The following USP9X variants were observed in gnomAD, a reference collection of about 807,000 sequenced individuals.
USP9X encodes ubiquitin specific peptidase 9 X-linked, also known as ubiquitin carboxyl-terminal hydrolase 9X.
USP9X carries 7 observed loss-of-function variants against 190.3 expected under a neutral mutation model. The observed-to-expected ratio is 0.04, with a 90% CI of 0.02 to 0.07. USP9X has a LOEUF of 0.07. Among genes scored for constraint, USP9X ranks in the 10% least tolerant of loss-of-function variants. The pLI is 1.00. For synonymous variants in USP9X, 645 were observed against 659.5 expected, an observed-to-expected ratio of 0.98 and a Z score of 0.34; for missense variants, 1,010 against 1,916.9, an observed-to-expected ratio of 0.53 and a Z score of 8.83.
intron 1 of USP9X, among the ~76,000 whole-genome samples, chrX:41,105,760 C>T (rs188739136): frequency 1.4e-3 from 161 of 112,229 alleles, no homozygotes; most frequent in South Asian, 0.012. Flanking sequence ...TACATTTCTT[C>T]CAGCAATGCA....
At position 41,224,803 on chromosome X, in the gene USP9X, T is replaced by A; in HGVS notation, c.6813T>A (p.Ile2271=). 4.1e-6 allele frequency: 5 copies of A among 1,211,373 alleles called. No individual in the cohort carries two copies. The highest frequency in any genetic ancestry group is 5.6e-6 in the Non-Finnish European group (5 of 895,423). The change falls in exon 40 of 45, where the codon ATT becomes ATA. Residue 2271 remains isoleucine, a synonymous_variant. Coordinates refer to ENST00000378308, the MANE Select transcript of USP9X (RefSeq NM_001039591.3). The part of the protein sequence containing the change: ...DPNLSQPIMP[I]QQNVADILFV... ...ATTTATCACAACCTATAATGCCAAT[T>A]CAGCAGAATGTGGCAGACATTTTAT...
rs758912793 is a variant in USP9X at position 41,141,273 on chromosome X, T to C, written c.1023-20T>C. The C allele has an allele frequency of 1.0e-5, 12 of 1,199,391 alleles. No homozygotes were observed. Among genetic ancestry groups the C allele is most frequent in the African/African-American group, 5.3e-5 (3 of 56,965 alleles). On this transcript the variant is annotated intron_variant, in intron 8 of 44. Transcript: ENST00000378308. ...AATGCCGATTTTAGAATCATACTTATCACTGAATTTTTCTTACAGATTATT... is the reference window on the plus strand; with the variant it reads ...AATGCCGATTTTAGAATCATACTTACCACTGAATTTTTCTTACAGATTATT...
rs867379024 is a variant in USP9X, at chrX:41,098,484, G to A, written c.-159+12375G>A. Among the ~76,000 whole-genome samples the A allele has an allele frequency of 1.4e-4, 15 of 109,935 alleles. No individual in the cohort carries two copies. The East Asian group carries it at 3.2e-3, about 23-fold the overall frequency. The stretch of plus-strand genomic sequence containing the variant: ...AATGTTATGCCTATTTTTGAACTTC[G>A]GATAAATGGAGTAATACACTATATA... On this transcript the variant is annotated intron_variant, in intron 1 of 44. Coordinates refer to ENST00000378308, the MANE Select transcript of USP9X (RefSeq NM_001039591.3).
At chrX:41,184,162 TCTTTGTTTTTC>T in intron 22 of USP9X, 34 bp downstream of exon 22, 1 of 1,164,198 alleles carries the variant, frequency 8.6e-7, no homozygotes, top group Non-Finnish European at 1.1e-6. Context: ...GTTGTTGTTT[TCTTTGTTTTTC>T]CTTTTAAATT....
At chrX:41,209,301 C>T (rs1350811912) in intron 32 of USP9X, among the ~76,000 whole-genome samples, 1 of 111,706 alleles carries the variant, frequency 9.0e-6, no homozygotes, top group Non-Finnish European at 1.9e-5. Flanking sequence ...GTAAAATAAT[C>T]TCCCTAACTT....
At chrX:41,208,758 A>C (rs968277815) in intron 32 of USP9X, among the ~76,000 whole-genome samples, 2 of 109,007 alleles carry the variant, frequency 1.8e-5, no homozygotes, top group Non-Finnish European at 3.8e-5. Context: ...CCCAGGCTGG[A>C]GTGCAGTGGC....
intron 21 of USP9X, among the ~76,000 whole-genome samples, chrX:41,176,703 T>G (rs1425393598): frequency 8.9e-6 from 1 of 112,415 alleles, no homozygotes; most frequent in Non-Finnish European, 1.9e-5. Context: ...TTTTAATTTT[T>G]TTGTTGAAGA....
chrX:41,118,146 C>T (rs1274892391), intron 1 of USP9X, among the ~76,000 whole-genome samples: 3 of 112,058 alleles, frequency 2.7e-5, no homozygotes, highest in African/African-American at 6.5e-5. Flanking sequence ...CGTGAAACAC[C>T]GTGCTCGGCT....
intron 1 of USP9X, among the ~76,000 whole-genome samples, chrX:41,086,449 C>A (rs924914158): frequency 8.9e-6 from 1 of 112,366 alleles, no homozygotes; most frequent in African/African-American, 3.2e-5. Context: ...GCAGCCCCCC[C>A]GCCGTCCGCA....
At chrX:41,102,953 C>T (rs1396301911) in intron 1 of USP9X, among the ~76,000 whole-genome samples, 6 of 111,343 alleles carry the variant, frequency 5.4e-5, no homozygotes, top group Non-Finnish European at 9.4e-5. Context: ...CCACCACGCC[C>T]GGCTAATTGT....
In USP9X at chrX:41,085,600, G is replaced by A. The variant is rs2061902856; in HGVS notation, c.-668G>A. The A allele has an allele frequency of 3.6e-6, 1 of 277,101 alleles. No homozygotes were observed. The highest frequency in any genetic ancestry group is 6.4e-5 in the Admixed American group (1 of 15,593). The allele number at this position is 277,101 out of a possible 1,213,427, so 22.8% of individuals were successfully genotyped here. On this transcript the variant is annotated 5_prime_UTR_variant, in exon 1 of 45. Transcript: ENST00000378308. ...GCCTTACACAGCTCCCGGGCCTCGCGGGAGCCCGCCGCCGCCGCCTCTCTC... is the reference window on the plus strand; with the variant it reads ...GCCTTACACAGCTCCCGGGCCTCGCAGGAGCCCGCCGCCGCCGCCTCTCTC...
At chrX:41,197,331 T>TGGGGGCCCCCCCCCCCCCC in intron 28 of USP9X, 33 bp from the exon 29 acceptor site, 1 of 486,764 alleles carries the variant, frequency 2.1e-6, no homozygotes, top group East Asian at 5.9e-5. Context: ...TTTGATTTCT[T>TGGGGGCCCCCCCCCCCCCC]CCCCCCCCCA....
rs2063393558 is a variant in USP9X at position 41,235,577 on chromosome X, T to C, written c.*3053T>C. On this transcript the variant is annotated 3_prime_UTR_variant, in exon 45 of 45. Transcript: ENST00000378308. The stretch of plus-strand genomic sequence containing the variant: ...GTTGTAAAACCATGTGAACAAGGGC[T>C]TTTGCCCTATTGTATCTAAGTATTT... The C allele has an allele frequency of 8.9e-6, 1 of 112,982 alleles. No homozygotes were observed. The highest frequency in any genetic ancestry group is 3.2e-5 in the African/African-American group (1 of 31,042). The allele number at this position is 112,982 out of a possible 1,213,427, so 9.3% of individuals were successfully genotyped here.
intron 24 of USP9X, 113 bp from the exon 25 acceptor site, chrX:41,187,879 A>G (rs1185361072): frequency 2.4e-5 from 18 of 735,778 alleles, no homozygotes; most frequent in Non-Finnish European, 3.3e-5. Flanking sequence ...ATTTAAAAAC[A>G]ATGGTACTAC....
intron 4 of USP9X, among the ~76,000 whole-genome samples, chrX:41,132,037 C>G (rs5963923): frequency 0.04 from 4,456 of 111,250 alleles, 213 homozygotes; most frequent in African/African-American, 0.14. Context: ...ATGTGTGGCT[C>G]TTTGTACTCA....
intron 38 of USP9X, 67 bp from the exon 39 acceptor site, chrX:41,223,150 C>A: frequency 9.6e-7 from 1 of 1,038,134 alleles, no homozygotes; most frequent in Non-Finnish European, 1.3e-6. Context: ...AAGCCCTTGC[C>A]ATCTTAATTT....
chrX:41,136,502 A>G (rs757393460), intron 5 of USP9X, among the ~76,000 whole-genome samples: 1 of 112,622 alleles, frequency 8.9e-6, no homozygotes, highest in East Asian at 2.8e-4. Context: ...CCTCTCGTGT[A>G]CAAATTCCAC....
chrX:41,086,064 C>T lies in USP9X; in HGVS notation c.-204C>T. The T allele has an allele frequency of 3.4e-6, 1 of 298,008 alleles. No homozygotes were observed. The highest frequency in any genetic ancestry group is 5.9e-6 in the Non-Finnish European group (1 of 170,439). 24.6% of individuals were successfully genotyped at this position (298,008 alleles called of 1,213,427 possible). ...CGAGCCCCACCGTCGCCTGGTGCCT[C>T]CCGCCTCCGTGTGCCCTGGTTGTGA... On this transcript the variant is annotated 5_prime_UTR_variant, in exon 1 of 45. Transcript: ENST00000378308.
At chrX:41,186,008 A>C (rs1255513919) in intron 23 of USP9X, among the ~76,000 whole-genome samples, 2 of 111,873 alleles carry the variant, frequency 1.8e-5, no homozygotes, top group African/African-American at 6.5e-5. Context: ...CTACGTAATG[A>C]AATTAATCTG....
Sources: gnomAD v4.1 joint callset for allele counts (sites outside exome capture counted in the v4.1 genomes callset) on GRCh38, gnomAD v4.1.1 for gene constraint, MANE v1.5 for transcripts, NCBI Gene and HGNC (gene_info 2026-07-23, HGNC 2026-07-21) for gene names.